BCL7C: variants seen among roughly 807,000 people sequenced by gnomAD.
BCL7C encodes the protein B-cell CLL/lymphoma 7 protein family member C.
In BCL7C, 8 loss-of-function variants were observed where a neutral mutation model predicts 26.2. The observed-to-expected ratio is 0.30, with a 90% confidence interval of 0.18 to 0.55. The LOEUF is 0.55. Among genes scored for constraint, BCL7C ranks in the 20% least tolerant of loss-of-function variants. The probability of loss-of-function intolerance (pLI) is 0.93; values close to 1 mark genes in which losing one functional copy is unlikely to be tolerated. For synonymous variants in BCL7C, 90 were observed against 116.5 expected (o/e 0.77, Z 1.47); for missense variants, 262 against 298.5 (o/e 0.88, Z 0.90).
At chr16:30,886,276 G>A (rs1367597395), downstream of BCL7C, among the ~76,000 whole-genome samples, 1 of 152,128 alleles carries the variant, frequency 6.6e-6, no homozygotes, top group Non-Finnish European at 1.5e-5. Context: ...ATTACTCGAA[G>A]CTTCCCACAA....
intron 5 of BCL7C, among the ~76,000 whole-genome samples, chr16:30,875,067 A>T (rs1047353879): frequency 6.6e-6 from 1 of 152,212 alleles, no homozygotes; most frequent in South Asian, 2.1e-4. Flanking sequence ...CATAACGGGC[A>T]TACAGTGGGT....
Position 30,879,695 on chromosome 16 carries a change from A to AAAAAAAAAAAAAC in BCL7C, c.528+9164_528+9165insGTTTTTTTTTTTT, listed in dbSNP as rs2055010634. Among the ~76,000 whole-genome samples the AAAAAAAAAAAAAC allele has an allele frequency of 4.2e-5, 6 of 142,722 alleles. 2 individuals are homozygous for AAAAAAAAAAAAAC. Among genetic ancestry groups the AAAAAAAAAAAAAC allele is most frequent in the Admixed American group, 2.9e-4 (4 of 13,998 alleles). The allele number at this position is 142,722 out of a possible 152,430, so 93.6% of individuals were successfully genotyped here. On this transcript the variant is annotated intron_variant, in intron 5 of 5. Transcript: ENST00000380317. ...GAGAGACTCCCCTTCTCTACAAAAAAAAAAAAAAAAAAAACTGGGCACGGT... is the reference window on the plus strand; with the variant it reads ...GAGAGACTCCCCTTCTCTACAAAAAAAAAAAAAAAAAACAAAAAAAAAAAAAACTGGGCACGGT...
At chr16:30,859,741 A>G (rs529731055) in intron 5 of BCL7C, among the ~76,000 whole-genome samples, 1 of 151,406 alleles carries the variant, frequency 6.6e-6, no homozygotes, top group African/African-American at 2.4e-5. Context: ...TCCCAAACCC[A>G]TAAGAACTAA....
intron 5 of BCL7C, among the ~76,000 whole-genome samples, chr16:30,842,810 C>T (rs982452299): frequency 1.2e-4 from 19 of 152,178 alleles, no homozygotes; most frequent in African/African-American, 3.6e-4. Flanking sequence ...CCTCGTGATC[C>T]GCTCGCCTCA....
intron 5 of BCL7C, among the ~76,000 whole-genome samples, chr16:30,878,229 A>T (rs1036107256): frequency 1.3e-5 from 2 of 149,818 alleles, no homozygotes; most frequent in African/African-American, 4.9e-5. Flanking sequence ...CATGATACCA[A>T]TGTAAAATGT....
chr16:30,893,137 G>T lies in BCL7C; in HGVS notation c.171+75C>A. 1 of 1,475,618 alleles carries T rather than the reference G, an allele frequency of 6.8e-7. No homozygotes were observed. The highest frequency in any genetic ancestry group is 9.3e-7 in the Non-Finnish European group (1 of 1,069,748). 91.4% of individuals were successfully genotyped at this position (1,475,618 alleles called of 1,614,324 possible). ...CATCTGAGGTCTCGGGGAGCTGGAGGTAGAGGTCAGCGTGGGGAGGAACTT... is the reference window on the plus strand; with the variant it reads ...CATCTGAGGTCTCGGGGAGCTGGAGTTAGAGGTCAGCGTGGGGAGGAACTT... On this transcript the variant is annotated intron_variant, in intron 2 of 5. Coordinates refer to ENST00000215115, the MANE Select transcript of BCL7C (RefSeq NM_004765.4). The surrounding 1 kb of genome is among the most constrained non-coding windows in gnomAD (Gnocchi z 5.2).
downstream of BCL7C, among the ~76,000 whole-genome samples, chr16:30,884,396 G>A (rs566221341): frequency 9.2e-5 from 14 of 151,612 alleles, no homozygotes; most frequent in African/African-American, 2.9e-4. Flanking sequence ...CACTTACTAC[G>A]TCCCAGGCCA....
At chr16:30,883,256 G>A (rs1209905782), downstream of BCL7C, among the ~76,000 whole-genome samples, 1 of 152,162 alleles carries the variant, frequency 6.6e-6, no homozygotes. Flanking sequence ...TCCACAAATA[G>A]AGTGTGGAAT....
At chr16:30,869,612 A>G (rs576012907) in intron 5 of BCL7C, among the ~76,000 whole-genome samples, 1 of 151,860 alleles carries the variant, frequency 6.6e-6, no homozygotes, top group South Asian at 2.1e-4. Flanking sequence ...CCTGGGCTCA[A>G]GGCATCCTCC....
intron 5 of BCL7C, among the ~76,000 whole-genome samples, chr16:30,862,572 CCAA>C (rs1461108114): frequency 6.6e-6 from 1 of 152,096 alleles, no homozygotes; most frequent in African/African-American, 2.4e-5. Flanking sequence ...TCCTGCTCCT[CCAA>C]CATCTATTCT....
chr16:30,868,732 C>T lies in BCL7C; in HGVS notation c.528+20128G>A, dbSNP rs182013525. Among the ~76,000 whole-genome samples, 444 of 151,408 alleles carry T rather than the reference C, an allele frequency of 2.9e-3. 1 individual carries two copies. Among genetic ancestry groups the T allele is most frequent in the African/African-American group, 9.0e-3 (372 of 41,166 alleles). ...CCTGGGAGGTGGAGGTTGTGGTGAG[C>T]GGAGATTGCGCCATTGCACTCCAGC... On this transcript the variant is annotated intron_variant, in intron 5 of 5. Transcript: ENST00000380317.
Position 30,834,674 on chromosome 16 carries a change from G to T in BCL7C, c.*274C>A, listed in dbSNP as rs1156583668. The T allele has an allele frequency of 3.1e-6, 1 of 317,612 alleles. No homozygotes were observed. Among genetic ancestry groups the T allele is most frequent in the African/African-American group, 2.1e-5 (1 of 46,522 alleles). The allele number at this position is 317,612 out of a possible 1,614,324, so 19.7% of individuals were successfully genotyped here. A position where few individuals can be genotyped will look rare whatever the true frequency, so the allele number is the denominator to read the frequency against. On this transcript the variant is annotated 3_prime_UTR_variant, in exon 6 of 6. Transcript: ENST00000380317. This position sits in a 1 kb window ranked among gnomAD's most constrained non-coding sequence, Gnocchi z 4.3. ...GTGAGGAGGTGGGCGAGGCAGCCCA[G>T]TGCACCCCTCCCCTAGGCCTCTAGC...
At chr16:30,886,592 G>A (rs777509427), downstream of BCL7C, among the ~76,000 whole-genome samples, 1 of 152,180 alleles carries the variant, frequency 6.6e-6, no homozygotes, top group Non-Finnish European at 1.5e-5. Flanking sequence ...CCACAGCCTC[G>A]TAGACAAGAC....
At chr16:30,836,941 G>C (rs151064380) in intron 5 of BCL7C, among the ~76,000 whole-genome samples, 1 of 151,496 alleles carries the variant, frequency 6.6e-6, no homozygotes, top group African/African-American at 2.4e-5. Context: ...CTACAGGTGC[G>C]TGCCACCACA....
intron 5 of BCL7C, among the ~76,000 whole-genome samples, chr16:30,862,131 C>T (rs1212548590): frequency 6.6e-5 from 10 of 152,184 alleles, no homozygotes; most frequent in South Asian, 6.2e-4. Context: ...CCACCGCGCC[C>T]GGCCTGGACA....
At chr16:30,861,982 G>A (rs1435247576) in intron 5 of BCL7C, among the ~76,000 whole-genome samples, 1 of 148,344 alleles carries the variant, frequency 6.7e-6, no homozygotes, top group East Asian at 2.0e-4. Context: ...TCCTGCCTCA[G>A]CCTCCCAAGT....
At chr16:30,869,942 C>A (rs934180340) in intron 5 of BCL7C, among the ~76,000 whole-genome samples, 1 of 152,218 alleles carries the variant, frequency 6.6e-6, no homozygotes, top group Non-Finnish European at 1.5e-5. Context: ...TAAGAAAACT[C>A]TTCTCTAAAA....
intron 5 of BCL7C, among the ~76,000 whole-genome samples, chr16:30,871,335 T>A (rs763171362): frequency 1.3e-5 from 2 of 152,210 alleles, no homozygotes; most frequent in Non-Finnish European, 2.9e-5. Context: ...CTGCCTCTAT[T>A]ATATACTATG....
chr16:30,866,836 A>G (rs942598700), intron 5 of BCL7C, among the ~76,000 whole-genome samples: 6 of 152,122 alleles, frequency 3.9e-5, no homozygotes, highest in African/African-American at 1.2e-4. Flanking sequence ...GGAGGATTAT[A>G]TAAGGCCAAG....
Sources: allele counts gnomAD v4.1 joint callset (sites outside exome capture counted in the v4.1 genomes callset), GRCh38; gene constraint gnomAD v4.1.1; non-coding constraint Gnocchi (gnomAD v3.1); transcripts MANE v1.5; gene names NCBI Gene and HGNC (gene_info 2026-07-23, HGNC 2026-07-21).